TMC1: variants seen among roughly 807,000 people sequenced by gnomAD.
The protein encoded by TMC1 is transmembrane channel-like protein 1.
Under a neutral mutation model 105.8 loss-of-function variants are expected in TMC1, and 84 were observed. The observed-to-expected ratio is 0.79, with a 90% confidence interval of 0.67 to 0.95. The LOEUF (loss-of-function observed/expected upper bound fraction) is 0.95. Among genes scored for constraint, TMC1 ranks in the 40% least tolerant of loss-of-function variants. TMC1 has a pLI of 0.00. For missense variants in TMC1, 817 were observed against 914.1 expected, an observed-to-expected ratio of 0.89 and a Z score of 1.37; for synonymous variants, 315 against 311.5, an observed-to-expected ratio of 1.01 and a Z score of -0.12.
rs1003275832 is a variant in TMC1 at position 72,694,627 on chromosome 9, A to G, written c.149A>G (p.Asn50Ser). The change falls in exon 7 of 24, where the codon AAT (asparagine) becomes AGT (serine). Residue 50 changes from asparagine (N) to serine (S), a missense_variant. Transcript: ENST00000297784. ...PKRKRTRDVI[N>S]EDDPEPEPED... ...AGGAAACGGACCAGAGATGTTATCA[A>G]TGAGGATGACCCAGAACCTGAACCA... 5.6e-6 allele frequency: 9 copies of G among 1,613,022 alleles called. No individual in the cohort carries two copies. Among genetic ancestry groups the G allele is most frequent in the African/African-American group, 5.3e-5 (4 of 74,870 alleles).
At position 72,742,627 on chromosome 9, in the gene TMC1, GAAAC is replaced by G. The variant is rs146170244; in HGVS notation, c.535+122_535+125del. 8.5e-4 allele frequency: 827 copies of G among 977,896 alleles called. 1 individual carries two copies. The highest frequency in any genetic ancestry group is 4.6e-3 in the African/African-American group (282 of 61,956). 60.6% of individuals were successfully genotyped at this position (977,896 alleles called of 1,614,324 possible). A position where few individuals can be genotyped will look rare whatever the true frequency, so the allele number is the denominator to read the frequency against. ...AGTTTCTGGACTTTTGGGAAGACTA[GAAAC>G]AAACAAACAAACAAACAAAAACCAA... On this transcript the variant is annotated intron_variant, in intron 10 of 23. Transcript: ENST00000297784.
intron 3 of TMC1, among the ~76,000 whole-genome samples, chr9:72,626,582 C>T (rs1170819339): frequency 6.6e-6 from 1 of 152,162 alleles, no homozygotes; most frequent in Non-Finnish European, 1.5e-5. Context: ...AAATGGCATC[C>T]ATCCAAGAGA....
At chr9:72,742,680 C>T (rs1460914995) in intron 10 of TMC1, among the ~76,000 whole-genome samples, 155 bp downstream of exon 10, 3 of 152,118 alleles carry the variant, frequency 2.0e-5, no homozygotes, top group Non-Finnish European at 4.4e-5. Flanking sequence ...TTGTTTATGC[C>T]TGCTTTCGTC....
At chr9:72,698,994 T>C (rs1826597825) in intron 7 of TMC1, among the ~76,000 whole-genome samples, 1 of 152,094 alleles carries the variant, frequency 6.6e-6, no homozygotes, top group Admixed American at 6.5e-5. Flanking sequence ...GTATCCCCTA[T>C]TGTCAGAGTA....
intron 2 of TMC1, among the ~76,000 whole-genome samples, chr9:72,601,001 T>C (rs1233161894): frequency 6.6e-6 from 1 of 152,170 alleles, no homozygotes; most frequent in African/African-American, 2.4e-5. Flanking sequence ...GTTAGGCAGT[T>C]TCTGTGTTCC....
chr9:72,729,848 A>G (rs972972112), intron 8 of TMC1, among the ~76,000 whole-genome samples: 1 of 152,210 alleles, frequency 6.6e-6, no homozygotes, highest in African/African-American at 2.4e-5. Context: ...ACCCAAGGAA[A>G]AACTGTCCAT....
At chr9:72,808,486 A>G (rs915023438) in intron 18 of TMC1, among the ~76,000 whole-genome samples, 1 of 152,208 alleles carries the variant, frequency 6.6e-6, no homozygotes, top group Non-Finnish European at 1.5e-5. Flanking sequence ...ATGTGCATCT[A>G]TTTGACATTA....
intron 3 of TMC1, among the ~76,000 whole-genome samples, chr9:72,621,978 C>CCATTGAGGA (rs1825258796): frequency 1.3e-5 from 2 of 152,090 alleles, no homozygotes; most frequent in African/African-American, 4.8e-5. Flanking sequence ...TGGCAGATAT[C>CCATTGAGGA]AGTTTATGTC....
At chr9:72,611,968 C>T (rs1208176238) in intron 2 of TMC1, among the ~76,000 whole-genome samples, 3 of 152,074 alleles carry the variant, frequency 2.0e-5, no homozygotes, top group Non-Finnish European at 4.4e-5. Flanking sequence ...CTCTATGACC[C>T]GGGAGGCTGA....
chr9:72,635,788 G>A (rs1564459025), intron 4 of TMC1, among the ~76,000 whole-genome samples: 1 of 152,294 alleles, frequency 6.6e-6, no homozygotes, highest in South Asian at 2.1e-4. Flanking sequence ...CTGTGATTAA[G>A]CAGAGCCTGT....
intron 23 of TMC1, among the ~76,000 whole-genome samples, chr9:72,832,558 C>T (rs1829057568): frequency 6.6e-6 from 1 of 152,154 alleles, no homozygotes. Context: ...GGTCTGTTTT[C>T]CTGACACATG....
At chr9:72,647,711 T>C (rs1048714698) in intron 4 of TMC1, among the ~76,000 whole-genome samples, 1 of 151,964 alleles carries the variant, frequency 6.6e-6, no homozygotes, top group African/African-American at 2.4e-5. Flanking sequence ...AGAAGGGTCA[T>C]ATATGTGCAC....
At chr9:72,811,197 AT>A (rs1183290215) in intron 18 of TMC1, among the ~76,000 whole-genome samples, 1 of 152,142 alleles carries the variant, frequency 6.6e-6, no homozygotes, top group Non-Finnish European at 1.5e-5. Flanking sequence ...AAATGTATTG[AT>A]TTCTGTACTG....
chr9:72,734,049 A>G (rs1827258319), intron 8 of TMC1, among the ~76,000 whole-genome samples: 1 of 152,190 alleles, frequency 6.6e-6, no homozygotes, highest in African/African-American at 2.4e-5. Context: ...GGCTACTAAC[A>G]GGAGGAGAGT....
At position 72,836,038 on chromosome 9, in the gene TMC1, G is replaced by T; in HGVS notation, c.*65G>T. 2 of 1,524,526 alleles carry T rather than the reference G, an allele frequency of 1.3e-6. No homozygotes were observed. 94.4% of individuals were successfully genotyped at this position (1,524,526 alleles called of 1,614,324 possible). A position where few individuals can be genotyped will look rare whatever the true frequency, so the allele number is the denominator to read the frequency against. ...GCTGTTTAAAAGTAATGCAATATGTGAACGCCCAGAGAACAAGCACTGTGG... is the reference window on the plus strand; with the variant it reads ...GCTGTTTAAAAGTAATGCAATATGTTAACGCCCAGAGAACAAGCACTGTGG... On this transcript the variant is annotated 3_prime_UTR_variant, in exon 24 of 24. Coordinates refer to ENST00000297784, the MANE Select transcript of TMC1 (RefSeq NM_138691.3).
At chr9:72,601,177 C>CACACACAG (rs1237373836) in intron 2 of TMC1, among the ~76,000 whole-genome samples, 8 of 134,178 alleles carry the variant, frequency 6.0e-5, no homozygotes, top group African/African-American at 2.6e-4. Flanking sequence ...TCTACACACA[C>CACACACAG]ACACACACAC....
chr9:72,783,174 G>A (rs1828119814), intron 13 of TMC1, among the ~76,000 whole-genome samples: 1 of 152,100 alleles, frequency 6.6e-6, no homozygotes, highest in Non-Finnish European at 1.5e-5. Flanking sequence ...ATATATGGGA[G>A]CTTATTAGGG....
intron 7 of TMC1, among the ~76,000 whole-genome samples, chr9:72,699,157 G>T (rs1049370236): frequency 6.6e-6 from 1 of 152,130 alleles, no homozygotes; most frequent in African/African-American, 2.4e-5. Flanking sequence ...CTACAATGTG[G>T]TATTGCATGC....
intron 1 of TMC1, among the ~76,000 whole-genome samples, chr9:72,542,601 G>T (rs778529119): frequency 3.8e-4 from 57 of 151,598 alleles, no homozygotes; most frequent in Non-Finnish European, 7.1e-4. Context: ...GCCTAGGGGG[G>T]AGAAAAAGAA....
Sources: allele counts gnomAD v4.1 joint callset (sites outside exome capture counted in the v4.1 genomes callset), GRCh38; gene constraint gnomAD v4.1.1; transcripts MANE v1.5; gene names NCBI Gene and HGNC (gene_info 2026-07-23, HGNC 2026-07-21).